Variants in PPP2R5E observed in about 807,000 individuals in gnomAD.
PPP2R5E encodes serine/threonine-protein phosphatase 2A 56 kDa regulatory subunit epsilon isoform.
In PPP2R5E, 4 loss-of-function variants were observed where a neutral mutation model predicts 65.3. The observed-to-expected ratio is 0.06, with a 90% CI of 0.03 to 0.14. The LOEUF (loss-of-function observed/expected upper bound fraction) is 0.14, where lower values mean the gene tolerates loss of function less well. Among genes scored for constraint, PPP2R5E ranks in the 10% least tolerant of loss-of-function variants. The pLI is 1.00. For missense variants in PPP2R5E, 274 were observed against 556.1 expected, an observed-to-expected ratio of 0.49 and a Z score of 5.10; for synonymous variants, 183 against 187.4, an observed-to-expected ratio of 0.98 and a Z score of 0.19.
In PPP2R5E at chr14:63,503,038, G is replaced by A. The variant is rs568219655; in HGVS notation, c.157+36491C>T. 7.2e-5 allele frequency among the ~76,000 whole-genome samples: 11 copies of A among 152,258 alleles called. 2 individuals carry two copies. Among genetic ancestry groups the A allele is most frequent in the African/African-American group, 2.6e-4 (11 of 41,564 alleles). ...GCACAACCTCTGAAGTTGCACATGGGAACCTTGAAAGATAACCAGTAAAGC... is the reference window on the plus strand; with the variant it reads ...GCACAACCTCTGAAGTTGCACATGGAAACCTTGAAAGATAACCAGTAAAGC... On this transcript the variant is annotated intron_variant, in intron 2 of 13. Transcript: ENST00000337537.
chr14:63,471,916 T>A (rs1183059065), intron 2 of PPP2R5E, among the ~76,000 whole-genome samples: 1 of 152,238 alleles, frequency 6.6e-6, no homozygotes, highest in East Asian at 1.9e-4. Flanking sequence ...ACAAGCATTC[T>A]GTCATCTATC....
At position 63,382,091 on chromosome 14, in the gene PPP2R5E, G is replaced by C. The variant is rs776642897; in HGVS notation, c.1269C>G (p.Asp423Glu). 13 of 1,613,398 alleles carry C rather than the reference G, an allele frequency of 8.1e-6. No individual in the cohort carries two copies. Among genetic ancestry groups the C allele is most frequent in the Non-Finnish European group, 9.3e-6 (11 of 1,179,688 alleles). The change falls in exon 13 of 14, where the codon GAC (aspartate) becomes GAG (glutamate). Residue 423 changes from aspartate (D) to glutamate (E), a missense_variant. This residue lies in a region of PPP2R5E where 129 missense variants were observed against 254.9 expected (regional missense o/e 0.51). Transcript: ENST00000337537. ...CTGACTTGTATGTGGCTGTCAGCTC[G>C]TCAAACATGGTGCTGTTCATTTCCA... ...AFMEMNSTMFDELTATYKSDR... is the reference protein window; with the variant it reads ...AFMEMNSTMFEELTATYKSDR...
intron 2 of PPP2R5E, among the ~76,000 whole-genome samples, chr14:63,473,232 TC>T (rs1199958391): frequency 6.6e-6 from 1 of 152,024 alleles, no homozygotes; most frequent in Non-Finnish European, 1.5e-5. Flanking sequence ...GTGAGGTAAC[TC>T]CAAGGGAGAA....
chr14:63,483,356 G>A (rs1470450427), intron 2 of PPP2R5E, among the ~76,000 whole-genome samples: 3 of 152,020 alleles, frequency 2.0e-5, no homozygotes, highest in Non-Finnish European at 2.9e-5. Flanking sequence ...GCTGTCAGTG[G>A]GAATGAGGAG....
intron 2 of PPP2R5E, among the ~76,000 whole-genome samples, chr14:63,525,451 G>C (rs1403320723): frequency 1.3e-5 from 2 of 152,154 alleles, no homozygotes; most frequent in African/African-American, 4.8e-5. Context: ...AATCAGGAAA[G>C]ACATACAGGA....
intron 12 of PPP2R5E, 140 bp from the exon 13 acceptor site, chr14:63,382,297 T>C: frequency 2.1e-6 from 1 of 478,196 alleles, no homozygotes; most frequent in Non-Finnish European, 3.6e-6. Context: ...TTGGAACAAC[T>C]GAAAATGACC....
intron 3 of PPP2R5E, among the ~76,000 whole-genome samples, chr14:63,433,976 ATCTC>A (rs1566699386): frequency 1.3e-5 from 2 of 152,136 alleles, no homozygotes; most frequent in African/African-American, 2.4e-5. Context: ...TAATTTTGAG[ATCTC>A]TCTATTTTGC....
intron 2 of PPP2R5E, among the ~76,000 whole-genome samples, chr14:63,523,416 C>T (rs1366664925): frequency 2.0e-5 from 3 of 152,048 alleles, no homozygotes; most frequent in Non-Finnish European, 4.4e-5. Flanking sequence ...TACCCCCAAC[C>T]CTGTGCTCTC....
chr14:63,522,338 G>C (rs931149563), intron 2 of PPP2R5E, among the ~76,000 whole-genome samples: 2 of 151,194 alleles, frequency 1.3e-5, no homozygotes, highest in East Asian at 3.9e-4. Context: ...CCAAAGTGCC[G>C]AGATTGCAGC....
intron 2 of PPP2R5E, among the ~76,000 whole-genome samples, chr14:63,517,072 T>A (rs1892697507): frequency 6.6e-6 from 1 of 152,176 alleles, no homozygotes; most frequent in African/African-American, 2.4e-5. Context: ...AAAAAATATG[T>A]ATTATTTAAG....
intron 2 of PPP2R5E, among the ~76,000 whole-genome samples, chr14:63,532,569 T>C (rs369511182): frequency 6.6e-6 from 1 of 152,346 alleles, no homozygotes; most frequent in African/African-American, 2.4e-5. Flanking sequence ...CATAAAAATT[T>C]CATATTATTC....
chr14:63,383,829 T>C (rs1037542865), intron 12 of PPP2R5E, among the ~76,000 whole-genome samples: 23 of 152,186 alleles, frequency 1.5e-4, no homozygotes, highest in African/African-American at 4.8e-4. Context: ...GAGATACATA[T>C]AGCGACTGAG....
intron 2 of PPP2R5E, among the ~76,000 whole-genome samples, chr14:63,469,320 G>T (rs1332290876): frequency 6.6e-6 from 1 of 152,166 alleles, no homozygotes; most frequent in Non-Finnish European, 1.5e-5. Flanking sequence ...TGTAAAGAAT[G>T]AAAACAAATG....
intron 2 of PPP2R5E, among the ~76,000 whole-genome samples, chr14:63,473,504 A>T (rs1890235363): frequency 6.6e-6 from 1 of 152,244 alleles, no homozygotes; most frequent in South Asian, 2.1e-4. Context: ...AAAAACAAGA[A>T]GTAAAGCTCT....
At chr14:63,437,772 A>G (rs946153262) in intron 3 of PPP2R5E, among the ~76,000 whole-genome samples, 2 of 152,154 alleles carry the variant, frequency 1.3e-5, no homozygotes, top group African/African-American at 4.8e-5. Context: ...TAGAAACATC[A>G]TATTTTCCAA....
chr14:63,525,869 T>G (rs1893165937), intron 2 of PPP2R5E, among the ~76,000 whole-genome samples: 1 of 152,096 alleles, frequency 6.6e-6, no homozygotes, highest in African/African-American at 2.4e-5. Context: ...CTTCCTGTCT[T>G]TTTTTTGAGA....
intron 5 of PPP2R5E, among the ~76,000 whole-genome samples, chr14:63,408,121 T>C (rs1371662752): frequency 6.6e-6 from 1 of 152,210 alleles, no homozygotes; most frequent in Non-Finnish European, 1.5e-5. Context: ...ATTGAGTAGG[T>C]CTATCACATT....
At chr14:63,379,154 G>A (rs1295049346) in intron 13 of PPP2R5E, among the ~76,000 whole-genome samples, 8 of 151,454 alleles carry the variant, frequency 5.3e-5, no homozygotes, top group Non-Finnish European at 8.8e-5. Context: ...TCACCCTCCC[G>A]AGTAGCTGGG....
chr14:63,540,429 T>C (rs1594987354), intron 1 of PPP2R5E, among the ~76,000 whole-genome samples: 7 of 48,160 alleles, frequency 1.5e-4, no homozygotes, highest in East Asian at 6.2e-4. Context: ...AGAGTCCATC[T>C]CAAAAAAAAA....
Sources: allele counts gnomAD v4.1 joint callset (sites outside exome capture counted in the v4.1 genomes callset), GRCh38; gene constraint gnomAD v4.1.1; regional missense constraint gnomAD v4.1.1; transcripts MANE v1.5; gene names NCBI Gene and HGNC (gene_info 2026-07-23, HGNC 2026-07-21).